Variants in FAM186A observed in about 807,000 individuals in gnomAD.
FAM186A encodes protein FAM186A.
Under a neutral mutation model 216.8 loss-of-function variants are expected in FAM186A, and 163 were observed. That is an observed-to-expected ratio of 0.75 (90% CI 0.66 to 0.86). The LOEUF (loss-of-function observed/expected upper bound fraction) is 0.86. Among genes scored for constraint, FAM186A ranks in the 40% least tolerant of loss-of-function variants. FAM186A has a pLI of 0.00. For synonymous variants in FAM186A, 805 were observed against 1,025.3 expected (o/e 0.79, Z 4.10); for missense variants, 2,184 against 2,746.2 (o/e 0.80, Z 4.58).
chr12:50,396,087 T>A (rs1436732638), intron 1 of FAM186A, among the ~76,000 whole-genome samples: 2 of 152,222 alleles, frequency 1.3e-5, no homozygotes, highest in East Asian at 1.9e-4. Context: ...AATGGCTTTA[T>A]TAAACCTGAT....
chr12:50,362,699 G>A (rs1157063164), intron 2 of FAM186A, among the ~76,000 whole-genome samples: 11 of 136,578 alleles, frequency 8.1e-5, no homozygotes, highest in Middle Eastern at 4.5e-3. Context: ...AGCTGAGATC[G>A]CGCCACTGCA....
At position 50,372,994 on chromosome 12, in the gene FAM186A, G is replaced by GGAAGGAAA. The variant is rs1491450637; in HGVS notation, c.193-9631_193-9630insTTTCCTTC. On this transcript the variant is annotated intron_variant, in intron 1 of 7. Coordinates refer to ENST00000327337, the MANE Select transcript of FAM186A (RefSeq NM_001145475.3). The stretch of plus-strand genomic sequence containing the variant: ...AGGGACGGAGGGAGGAAGGAAGGAA[G>GGAAGGAAA]GAATGAAAGAAAGAAAGAAAGAAAG... Among the ~76,000 whole-genome samples, 79 of 59,524 alleles carry GGAAGGAAA rather than the reference G, an allele frequency of 1.3e-3. 11 individuals carry two copies. The highest frequency in any genetic ancestry group is 3.6e-3 in the African/African-American group (71 of 19,678). The allele number at this position is 59,524 out of a possible 152,430, so 39.1% of individuals were successfully genotyped here. A position where few individuals can be genotyped will look rare whatever the true frequency, so the allele number is the denominator to read the frequency against.
intron 5 of FAM186A, among the ~76,000 whole-genome samples, chr12:50,332,176 T>G (rs1487954123): frequency 6.6e-6 from 1 of 152,242 alleles, no homozygotes; most frequent in Non-Finnish European, 1.5e-5. Flanking sequence ...ACTTTATAAA[T>G]TGTGATGCAG....
rs1354883531 is a variant in FAM186A at position 50,354,269 on chromosome 12, C to G, written c.2563G>C (p.Glu855Gln). Residue 855 changes from glutamate (E) to glutamine (Q), a missense_variant, in exon 4 of 8, where the codon GAG (glutamate) becomes CAG (glutamine). Around this residue, in one of 7 missense-constraint regions of FAM186A, gnomAD observed 1,132 missense variants for 1,263.4 expected, o/e 0.90. Transcript: ENST00000327337. ...TCTTCCCAATTCTCACTTATCTTCT[C>G]ATAGTGCTCCTTCAAGAGATTTCTT... ...GERNLLKEHY[E>Q]KISENWEEKK... 6.4e-7 allele frequency: 1 copy of G among 1,551,668 alleles called. No individual in the cohort carries two copies. The highest frequency in any genetic ancestry group is 2.4e-5 in the East Asian group (1 of 40,932).
At chr12:50,369,402 A>C (rs1390286627) in intron 1 of FAM186A, among the ~76,000 whole-genome samples, 1 of 151,090 alleles carries the variant, frequency 6.6e-6, no homozygotes, top group Non-Finnish European at 1.5e-5. Context: ...GAGGCAGGAG[A>C]ATTACTTGAA....
intron 1 of FAM186A, among the ~76,000 whole-genome samples, chr12:50,383,650 C>T (rs7295698): frequency 0.7 from 106,754 of 151,942 alleles, 44,018 homozygotes; most frequent in Non-Finnish European, 0.93. Flanking sequence ...CCTACATTCC[C>T]CCTACTGGTC....
Position 50,356,889 on chromosome 12 carries a change from C to T in FAM186A, c.584-641G>A, listed in dbSNP as rs147006367. 2.4e-3 allele frequency among the ~76,000 whole-genome samples: 370 copies of T among 151,868 alleles called. 1 individual carries two copies. Among genetic ancestry groups the T allele is most frequent in the Middle Eastern group, 0.01 (3 of 292 alleles). ...TGGCGCATGCCTGTAATCCCAGCTACTCAAGAGGCTAAGGCAGGAGAATCA... is the reference window on the plus strand; with the variant it reads ...TGGCGCATGCCTGTAATCCCAGCTATTCAAGAGGCTAAGGCAGGAGAATCA... On this transcript the variant is annotated intron_variant, in intron 3 of 7. Transcript: ENST00000327337.
chr12:50,334,440 G>A lies in FAM186A; in HGVS notation c.6504-337C>T, dbSNP rs375766857. On this transcript the variant is annotated intron_variant, in intron 4 of 7. Transcript: ENST00000327337. ...TTTCCTTGTCCTCCCAAAGTGCTGG[G>A]ATTACAGTCCTGAGCCACTGAGCAT... Among the ~76,000 whole-genome samples, 9 of 151,532 alleles carry A rather than the reference G, an allele frequency of 5.9e-5. No homozygotes were observed. In the East Asian group the frequency reaches 1.8e-3, roughly 30 times the overall value.
rs1276987830 is a variant in FAM186A at position 50,355,108 on chromosome 12, T to C, written c.1724A>G (p.Asp575Gly). The change falls in exon 4 of 8, where the codon GAC (aspartate) becomes GGC (glycine). Residue 575 changes from aspartate to glycine, a missense_variant. Coordinates refer to ENST00000327337, the MANE Select transcript of FAM186A (RefSeq NM_001145475.3). Reference sequence around the variant, plus strand: ...TCTAATTTCACCTTTGCCCTCTTTGTCCAATGACTCAGTGGTGGGTTCCAC... The same window carrying C: ...TCTAATTTCACCTTTGCCCTCTTTGCCCAATGACTCAGTGGTGGGTTCCAC... Reference protein sequence around the residue: ...IKVEPTTESLDKEGKGEIRSL... With the variant: ...IKVEPTTESLGKEGKGEIRSL... 1 of 1,551,564 alleles carries C rather than the reference T, an allele frequency of 6.4e-7. No homozygotes were observed. Among genetic ancestry groups the C allele is most frequent in the African/African-American group, 1.4e-5 (1 of 73,040 alleles).
chr12:50,383,132 C>A (rs1421967015), intron 1 of FAM186A, among the ~76,000 whole-genome samples: 1 of 151,070 alleles, frequency 6.6e-6, no homozygotes, highest in East Asian at 1.9e-4. Flanking sequence ...TGCCTGTGAT[C>A]TCAGCTACTC....
At chr12:50,385,027 C>A (rs1331024895) in intron 1 of FAM186A, among the ~76,000 whole-genome samples, 3 of 151,830 alleles carry the variant, frequency 2.0e-5, no homozygotes, top group Non-Finnish European at 2.9e-5. Context: ...CTGGTGTCAA[C>A]CTCCTGACCT....
chr12:50,373,063 GAAAGAAAGAAAGAGAAAAGAAAGAAAGAA>G (rs1197851530), intron 1 of FAM186A, among the ~76,000 whole-genome samples: 1 of 142,990 alleles, frequency 7.0e-6, no homozygotes, highest in Non-Finnish European at 1.5e-5. Context: ...AAGAAAGAAA[GAAAGAAAGAAAGAGAAAAGAAAGAAAGAA>G]AGAAAAGAAA....
Position 50,346,387 on chromosome 12 carries a change from A to G in FAM186A, c.6503+3942T>C, listed in dbSNP as rs554578908. Among the ~76,000 whole-genome samples, 141 of 152,030 alleles carry G rather than the reference A, an allele frequency of 9.3e-4. 1 individual carries two copies. Among genetic ancestry groups the G allele is most frequent in the African/African-American group, 3.4e-3 (140 of 41,506 alleles). On this transcript the variant is annotated intron_variant, in intron 4 of 7. Coordinates refer to ENST00000327337, the MANE Select transcript of FAM186A (RefSeq NM_001145475.3). ...TCTGGGATTACAGGCACACACCACCATGCCCAGCTAATTTTTGTATTTTTA... is the reference window on the plus strand; with the variant it reads ...TCTGGGATTACAGGCACACACCACCGTGCCCAGCTAATTTTTGTATTTTTA...
chr12:50,393,860 G>C (rs1265447185), intron 1 of FAM186A, among the ~76,000 whole-genome samples: 4 of 152,186 alleles, frequency 2.6e-5, no homozygotes, highest in African/African-American at 9.6e-5. Context: ...ATTGTTGCTA[G>C]TTGCCAGAAG....
At chr12:50,370,388 A>G (rs1325470358) in intron 1 of FAM186A, among the ~76,000 whole-genome samples, 1 of 152,152 alleles carries the variant, frequency 6.6e-6, no homozygotes, top group African/African-American at 2.4e-5. Flanking sequence ...TGGCCCAAAA[A>G]TATATGAAAA....
chr12:50,350,136 A>G (rs1942859565), intron 4 of FAM186A, among the ~76,000 whole-genome samples, 193 bp downstream of exon 4: 1 of 152,108 alleles, frequency 6.6e-6, no homozygotes, highest in South Asian at 2.1e-4. Context: ...ATCACGTTAT[A>G]TGTCATTTCT....
At chr12:50,366,133 A>C (rs1415550009) in intron 1 of FAM186A, 2 of 590,898 alleles carry the variant, frequency 3.4e-6, no homozygotes, top group African/African-American at 3.7e-5. Context: ...GAAACAAAAA[A>C]AAAAGAATAA....
In FAM186A at chr12:50,330,766, A is replaced by G. The variant is rs1942649584; in HGVS notation, c.6849-8T>C. 1.3e-6 allele frequency: 2 copies of G among 1,505,634 alleles called. No individual in the cohort carries two copies. The highest frequency in any genetic ancestry group is 1.4e-5 in the African/African-American group (1 of 70,194). The allele number at this position is 1,505,634 out of a possible 1,614,324, so 93.3% of individuals were successfully genotyped here. On this transcript the variant is annotated splice_polypyrimidine_tract_variant and splice_region_variant and intron_variant, in intron 6 of 7. Coordinates refer to ENST00000327337, the MANE Select transcript of FAM186A (RefSeq NM_001145475.3). ...GTCTGGTCCTCTTGTTGCCTACAGA[A>G]TCAGCATAAATTGGGAACGCCAAAT...
chr12:50,396,264 A>G, intron 1 of FAM186A, 29 bp downstream of exon 1: 1 of 1,458,198 alleles, frequency 6.9e-7, no homozygotes, highest in Non-Finnish European at 9.1e-7. Context: ...AGAAAATTGC[A>G]GTCTGTAAAC....
Sources: allele counts gnomAD v4.1 joint callset (sites outside exome capture counted in the v4.1 genomes callset), GRCh38; gene constraint gnomAD v4.1.1; regional missense constraint gnomAD v4.1.1; transcripts MANE v1.5; gene names NCBI Gene and HGNC (gene_info 2026-07-23, HGNC 2026-07-21).